The following XXYLT1 variants were observed in gnomAD, a reference collection of about 807,000 sequenced individuals.
The protein encoded by XXYLT1 is xyloside xylosyltransferase 1, also known as UDP-xylose:alpha-xyloside alpha-1,3-xylosyltransferase.
A neutral mutation model predicts 28.9 loss-of-function variants in XXYLT1; 20 were observed. That is an observed-to-expected ratio of 0.69 (90% CI 0.49 to 1.00). XXYLT1 has a LOEUF of 1.00. XXYLT1 is among the 50% of genes least tolerant of loss of function. The probability of loss-of-function intolerance (pLI) is 0.00; values close to 1 mark genes in which losing one functional copy is unlikely to be tolerated. For synonymous variants in XXYLT1, 257 were observed against 253.8 expected, an observed-to-expected ratio of 1.01 and a Z score of -0.12; for missense variants, 542 against 560.1, an observed-to-expected ratio of 0.97 and a Z score of 0.33.
At chr3:195,112,862 CACAT>C (rs1319778095) in intron 3 of XXYLT1, among the ~76,000 whole-genome samples, 4 of 116,790 alleles carry the variant, frequency 3.4e-5, no homozygotes, top group Non-Finnish European at 4.2e-5. Flanking sequence ...CGCATGCACA[CACAT>C]GCATGCACAC....
At chr3:195,187,353 A>G (rs980397888) in intron 2 of XXYLT1, among the ~76,000 whole-genome samples, 3 of 152,032 alleles carry the variant, frequency 2.0e-5, no homozygotes, top group Non-Finnish European at 2.9e-5. Flanking sequence ...GTGAGCCACC[A>G]TGCCCGGCCA....
chr3:195,180,519 GA>G lies in XXYLT1; in HGVS notation c.653-23939del. On this transcript the variant is annotated intron_variant, in intron 2 of 3. Transcript: ENST00000310380. This position sits in a 1 kb window ranked among gnomAD's most constrained non-coding sequence, Gnocchi z 5.8. ...TCCTCTTCCTGGCTCTGTAGCCCTT[GA>G]AAAGAAGCAAACAAACAGATAAGGG... 1 of 985,452 alleles carries G rather than the reference GA, an allele frequency of 1.0e-6. No individual in the cohort carries two copies. Among genetic ancestry groups the G allele is most frequent in the Non-Finnish European group, 1.2e-6 (1 of 829,976 alleles). The allele number at this position is 985,452 out of a possible 1,614,324, so 61.0% of individuals were successfully genotyped here.
intron 3 of XXYLT1, among the ~76,000 whole-genome samples, chr3:195,106,482 G>A (rs1214245745): frequency 6.6e-6 from 1 of 152,236 alleles, no homozygotes; most frequent in Non-Finnish European, 1.5e-5. Context: ...CCTCACGGCG[G>A]TGTCTACGCC....
intron 3 of XXYLT1, among the ~76,000 whole-genome samples, chr3:195,106,307 T>TTGTGTTTTTGATGGAGAGATGCTCTTGC (rs1560097378): frequency 1.4e-4 from 21 of 147,878 alleles, no homozygotes; most frequent in East Asian, 2.6e-4. Flanking sequence ...GATGCTCTTG[T>TTGTGTTTTTGATGGAGAGATGCTCTTGC]TGTGTTTTTG....
chr3:195,192,551 T>A (rs1048461224), intron 2 of XXYLT1, among the ~76,000 whole-genome samples: 1 of 152,218 alleles, frequency 6.6e-6, no homozygotes. Context: ...AAACTCTATC[T>A]ATCAATACAA....
At chr3:195,259,767 G>A in intron 1 of XXYLT1, 1 of 722,450 alleles carries the variant, frequency 1.4e-6, no homozygotes, top group Non-Finnish European at 1.7e-6. Context: ...TTCCCCACCG[G>A]CGCCAGGATA....
chr3:195,244,426 T>A (rs1363615911), intron 1 of XXYLT1, among the ~76,000 whole-genome samples: 6 of 152,104 alleles, frequency 3.9e-5, no homozygotes, highest in African/African-American at 1.4e-4. Flanking sequence ...GCACAGAGAT[T>A]CTGAGTCAGG....
At chr3:195,121,954 G>T in intron 3 of XXYLT1, 1 of 684,462 alleles carries the variant, frequency 1.5e-6, no homozygotes, top group Non-Finnish European at 2.7e-6. Flanking sequence ...CATTCCTCTT[G>T]TCTTAGTTCA....
At position 195,088,091 on chromosome 3, in the gene XXYLT1, G is replaced by A. The variant is rs1312309123; in HGVS notation, c.786-17980C>T. On this transcript the variant is annotated intron_variant, in intron 3 of 3. Coordinates refer to ENST00000310380, the MANE Select transcript of XXYLT1 (RefSeq NM_152531.5). ...GCGGTCTGAGATCAAACTGCAAGGT[G>A]GCAGCGAGGCTGGGGGAGGGGCGCC... is the stretch of plus-strand genomic sequence containing the variant. 7.6e-4 allele frequency among the ~76,000 whole-genome samples: 115 copies of A among 152,034 alleles called. 1 individual carries two copies. In the Middle Eastern group the frequency reaches 0.01, roughly 13 times the overall value.
intron 3 of XXYLT1, among the ~76,000 whole-genome samples, chr3:195,096,956 A>G (rs1464045411): frequency 6.6e-6 from 1 of 152,218 alleles, no homozygotes; most frequent in Non-Finnish European, 1.5e-5. Flanking sequence ...ATTTAATAAG[A>G]AAAACAACAG....
intron 1 of XXYLT1, among the ~76,000 whole-genome samples, chr3:195,250,496 A>T (rs954312753): frequency 6.6e-6 from 1 of 151,346 alleles, no homozygotes; most frequent in Non-Finnish European, 1.5e-5. Context: ...CCCAGGAGGC[A>T]GAGGTTGCAG....
Position 195,168,136 on chromosome 3 carries a change from T to C in XXYLT1, c.653-11555A>G, listed in dbSNP as rs1278288338. Among the ~76,000 whole-genome samples, 1 of 152,190 alleles carries C rather than the reference T, an allele frequency of 6.6e-6. No homozygotes were observed. Among genetic ancestry groups the C allele is most frequent in the African/African-American group, 2.4e-5 (1 of 41,446 alleles). Reference sequence around the variant, plus strand: ...GAGCCGTGGCTCACCGGCCTGGCTATGGCACTGCGTCCAACCATGGGCAAG... The same window carrying C: ...GAGCCGTGGCTCACCGGCCTGGCTACGGCACTGCGTCCAACCATGGGCAAG... On this transcript the variant is annotated intron_variant, in intron 2 of 3. Transcript: ENST00000310380. The surrounding 1 kb of genome is among the most constrained non-coding windows in gnomAD (Gnocchi z 4.3).
At chr3:195,106,750 A>G (rs1290495439) in intron 3 of XXYLT1, among the ~76,000 whole-genome samples, 1 of 152,096 alleles carries the variant, frequency 6.6e-6, no homozygotes, top group East Asian at 1.9e-4. Context: ...TTCTTTCACC[A>G]CTGTCTTCAG....
intron 2 of XXYLT1, among the ~76,000 whole-genome samples, chr3:195,187,052 G>A (rs912298895): frequency 6.6e-6 from 1 of 151,292 alleles, no homozygotes; most frequent in Non-Finnish European, 1.5e-5. Context: ...CCACCACCGT[G>A]CCCAGCTAAT....
chr3:195,098,693 G>C (rs1180329172), intron 3 of XXYLT1, among the ~76,000 whole-genome samples: 1 of 152,234 alleles, frequency 6.6e-6, no homozygotes, highest in African/African-American at 2.4e-5. Context: ...CGCTGCGCTG[G>C]CCCCTGCTGC....
chr3:195,218,683 G>A (rs1158212827), intron 2 of XXYLT1, among the ~76,000 whole-genome samples: 2 of 151,876 alleles, frequency 1.3e-5, no homozygotes, highest in Admixed American at 6.6e-5. Context: ...TGGAGAGGAT[G>A]TGGAGAAATA....
intron 2 of XXYLT1, among the ~76,000 whole-genome samples, chr3:195,223,841 A>C (rs1723930779): frequency 6.6e-6 from 1 of 152,204 alleles, no homozygotes; most frequent in Non-Finnish European, 1.5e-5. Flanking sequence ...TTTTCTTAGG[A>C]AAAGGCTTTG....
chr3:195,266,156 G>A lies in XXYLT1; in HGVS notation c.504+4399C>T, dbSNP rs553865344. ...GACATTGAAATGACCTGGGAGGACAGGTAGCCAGAAGCCACTGGAGGTTCT... is the reference window on the plus strand; with the variant it reads ...GACATTGAAATGACCTGGGAGGACAAGTAGCCAGAAGCCACTGGAGGTTCT... On this transcript the variant is annotated intron_variant, in intron 1 of 3. Coordinates refer to ENST00000310380, the MANE Select transcript of XXYLT1 (RefSeq NM_152531.5). Among the ~76,000 whole-genome samples the A allele has an allele frequency of 1.2e-3, 189 of 152,296 alleles. 2 individuals carry two copies. The highest frequency in any genetic ancestry group is 4.2e-3 in the African/African-American group (176 of 41,568).
chr3:195,206,288 G>A (rs1466206046), intron 2 of XXYLT1, among the ~76,000 whole-genome samples: 1 of 151,700 alleles, frequency 6.6e-6, no homozygotes, highest in Non-Finnish European at 1.5e-5. Context: ...ACGATTACAG[G>A]CGTGAGCCAC....
Sources: gnomAD v4.1 joint callset for allele counts (sites outside exome capture counted in the v4.1 genomes callset) on GRCh38, gnomAD v4.1.1 for gene constraint, Gnocchi (gnomAD v3.1) non-coding constraint, MANE v1.5 for transcripts, NCBI Gene and HGNC (gene_info 2026-07-23, HGNC 2026-07-21) for gene names.